The following PADI1 variants were observed in gnomAD, a reference collection of about 807,000 sequenced individuals.
PADI1 encodes peptidyl arginine deiminase 1.
Under a neutral mutation model 74.8 loss-of-function variants are expected in PADI1, and 65 were observed. That is an observed-to-expected ratio of 0.87 (90% confidence interval 0.71 to 1.07). The LOEUF is 1.07. Among genes scored for constraint, PADI1 ranks in the 50% least tolerant of loss-of-function variants. The pLI is 0.00. For missense variants in PADI1, 943 were observed against 854.0 expected (o/e 1.10, Z -1.30); for synonymous variants, 371 against 336.2 (o/e 1.10, Z -1.13).
At chr1:17,232,197 C>T (rs1351718931) in intron 10 of PADI1, among the ~76,000 whole-genome samples, 1 of 152,178 alleles carries the variant, frequency 6.6e-6, no homozygotes, top group South Asian at 2.1e-4. Context: ...CCACCCACCT[C>T]GGTCTCCCAA....
chr1:17,226,924 G>A (rs2072331936), intron 6 of PADI1, among the ~76,000 whole-genome samples: 1 of 152,022 alleles, frequency 6.6e-6, no homozygotes, highest in Admixed American at 6.6e-5. Context: ...GGCGGCAGGT[G>A]CCTGTAGTCC....
intron 11 of PADI1, among the ~76,000 whole-genome samples, chr1:17,236,589 AC>A (rs2072646752): frequency 1.3e-5 from 2 of 152,100 alleles, no homozygotes; most frequent in South Asian, 4.1e-4. Flanking sequence ...ACCCACCTCT[AC>A]AAAAATTACA....
At chr1:17,233,075 C>A in intron 11 of PADI1, 105 bp downstream of exon 11, 1 of 1,060,420 alleles carries the variant, frequency 9.4e-7, no homozygotes, top group Non-Finnish European at 1.3e-6. Flanking sequence ...GAGAAGTGAT[C>A]TTAACTTCCT....
At chr1:17,227,235 CA>C (rs59052605) in intron 6 of PADI1, among the ~76,000 whole-genome samples, 936 of 76,264 alleles carry the variant, frequency 0.012, 9 homozygotes, top group African/African-American at 0.034. Context: ...GACTTCATCT[CA>C]AAAAAAAAAA....
intron 13 of PADI1, 30 bp downstream of exon 13, chr1:17,238,739 G>A (rs761639314): frequency 1.8e-5 from 22 of 1,250,752 alleles, no homozygotes; most frequent in Admixed American, 2.7e-5. Flanking sequence ...TCACCCCTGG[G>A]GGACCCTGCC....
intron 1 of PADI1, among the ~76,000 whole-genome samples, chr1:17,221,080 T>C (rs1471900778): frequency 6.6e-6 from 1 of 152,172 alleles, no homozygotes; most frequent in African/African-American, 2.4e-5. Flanking sequence ...AGAGCTCTGA[T>C]GTATCAGGTG....
In PADI1 at chr1:17,245,646, G is replaced by A. The variant is rs2072867839; in HGVS notation, c.*1403G>A. On this transcript the variant is annotated 3_prime_UTR_variant, in exon 16 of 16. Transcript: ENST00000375471. This position sits in a 1 kb window ranked among gnomAD's most constrained non-coding sequence, Gnocchi z 4.1. ...GAACTGCTATGGTTAAAGTGGGTGA[G>A]CGGGAACCTGAAAATCCCCTTCTGG... The A allele has an allele frequency of 6.6e-6, 1 of 152,230 alleles. No individual in the cohort carries two copies. Among genetic ancestry groups the A allele is most frequent in the Non-Finnish European group, 1.5e-5 (1 of 68,054 alleles). 9.4% of individuals were successfully genotyped at this position (152,230 alleles called of 1,614,324 possible).
At chr1:17,222,149 A>G (rs1230260021) in intron 1 of PADI1, 141 bp from the exon 2 acceptor site, 1 of 632,256 alleles carries the variant, frequency 1.6e-6, no homozygotes, top group Admixed American at 2.9e-5. Context: ...GGCCAGTGGC[A>G]CTGCCCTGTG....
At position 17,232,896 on chromosome 1, in the gene PADI1, C is replaced by T. The variant is rs775391121; in HGVS notation, c.1239C>T (p.Asp413=). ...GCCTTGACTCCTTCGGCAACCTGGA[C>T]GTCAGCCCGCCCGTCACGGTGGGCG... ...PSSLDSFGNL[D]VSPPVTVGGT... The change falls in exon 11 of 16, where the codon GAC becomes GAT. Residue 413 remains aspartate, a synonymous_variant. Coordinates refer to ENST00000375471, the MANE Select transcript of PADI1 (RefSeq NM_013358.3). 42 of 1,613,276 alleles carry T rather than the reference C, an allele frequency of 2.6e-5. No individual in the cohort carries two copies. The East Asian group carries it at 3.3e-4, about 13-fold the overall frequency.
Position 17,232,813 on chromosome 1 carries a change from C to T in PADI1, c.1162-6C>T, listed in dbSNP as rs201109521. 6.2e-7 allele frequency: 1 copy of T among 1,609,100 alleles called. No homozygotes were observed. Among genetic ancestry groups the T allele is most frequent in the East Asian group, 2.2e-5 (1 of 44,594 alleles). ...TGGGGTGGGGGTCTCGCTGGTTCTTCCATAGGGTCCTGACTTTGGATATGT... is the reference window on the plus strand; with the variant it reads ...TGGGGTGGGGGTCTCGCTGGTTCTTTCATAGGGTCCTGACTTTGGATATGT... On this transcript the variant is annotated splice_region_variant and splice_polypyrimidine_tract_variant and intron_variant, in intron 10 of 15. Coordinates refer to ENST00000375471, the MANE Select transcript of PADI1 (RefSeq NM_013358.3).
At chr1:17,240,399 A>T (rs2100530551) in intron 14 of PADI1, 2 of 423,494 alleles carry the variant, frequency 4.7e-6, no homozygotes, top group Non-Finnish European at 8.7e-6. Flanking sequence ...ATTTGCATCC[A>T]GAAACTGCCT....
At chr1:17,232,597 T>TG (rs1213464348) in intron 10 of PADI1, among the ~76,000 whole-genome samples, 1 of 152,204 alleles carries the variant, frequency 6.6e-6, no homozygotes, top group Non-Finnish European at 1.5e-5. Context: ...TCCAAACATT[T>TG]GGGGGAGTTT....
intron 1 of PADI1, among the ~76,000 whole-genome samples, chr1:17,217,079 G>T (rs1044822177): frequency 1.3e-5 from 2 of 151,584 alleles, no homozygotes; most frequent in Admixed American, 6.6e-5. Flanking sequence ...GGAGAGGGGA[G>T]GCTGAGCCCT....
rs372293625 is a variant in PADI1, at chr1:17,236,584, C to T, written c.1314-730C>T. On this transcript the variant is annotated intron_variant, in intron 11 of 15. Transcript: ENST00000375471. ...AGCCTGGGTGGCATGGCGAAACCCA[C>T]CTCTACAAAAATTACAAAAATTAGC... 9.2e-5 allele frequency among the ~76,000 whole-genome samples: 14 copies of T among 152,136 alleles called. 1 individual carries two copies. In the South Asian group the frequency reaches 2.3e-3, roughly 25 times the overall value.
At chr1:17,230,349 C>T (rs2072453759) in intron 9 of PADI1, 141 bp downstream of exon 9, 3 of 1,014,296 alleles carry the variant, frequency 3.0e-6, no homozygotes, top group Non-Finnish European at 4.2e-6. Flanking sequence ...TTTCCGCTGC[C>T]TGCATCAGCC....
chr1:17,230,731 C>T (rs368515788), intron 10 of PADI1, 52 bp downstream of exon 10: 38 of 1,029,676 alleles, frequency 3.7e-5, no homozygotes, highest in South Asian at 1.9e-4. Context: ...CTCCTGGAGG[C>T]GCACCAGTGA....
At chr1:17,211,841 G>A (rs923224399) in intron 1 of PADI1, among the ~76,000 whole-genome samples, 2 of 152,232 alleles carry the variant, frequency 1.3e-5, no homozygotes, top group African/African-American at 4.8e-5. Context: ...AAAATGGGGA[G>A]AAGAATAATC....
chr1:17,241,383 G>A (rs373898573), intron 15 of PADI1, among the ~76,000 whole-genome samples: 2 of 152,266 alleles, frequency 1.3e-5, no homozygotes, highest in African/African-American at 2.4e-5. Flanking sequence ...ATGGTCCCCC[G>A]GGATGGGGAT....
chr1:17,216,249 T>C (rs969162829), intron 1 of PADI1, among the ~76,000 whole-genome samples: 3 of 152,150 alleles, frequency 2.0e-5, no homozygotes, highest in Non-Finnish European at 4.4e-5. Context: ...GGCTGCTATG[T>C]TGAAGCTGGA....
Sources: gnomAD v4.1 joint callset for allele counts (sites outside exome capture counted in the v4.1 genomes callset) on GRCh38, gnomAD v4.1.1 for gene constraint, Gnocchi (gnomAD v3.1) non-coding constraint, MANE v1.5 for transcripts, NCBI Gene and HGNC (gene_info 2026-07-23, HGNC 2026-07-21) for gene names.